Variants in CSMD1 observed in about 807,000 individuals in gnomAD.
The protein encoded by CSMD1 is CUB and Sushi multiple domains 1.
Under a neutral mutation model 417.5 loss-of-function variants are expected in CSMD1, and 213 were observed. The ratio of observed to expected loss-of-function variants is 0.51; its 90% CI spans 0.46 to 0.57. The LOEUF (loss-of-function observed/expected upper bound fraction) is 0.57. Among genes scored for constraint, CSMD1 ranks in the 20% least tolerant of loss-of-function variants. CSMD1 has a pLI of 0.00. For missense variants in CSMD1, 6,923 were observed against 4,529.7 expected (o/e 1.53, Z -15.17); for synonymous variants, 2,862 against 1,736.8 (o/e 1.65, Z -16.11).
intron 1 of CSMD1, among the ~76,000 whole-genome samples, chr8:4,849,065 G>C (rs1051601014): frequency 6.6e-5 from 10 of 152,212 alleles, no homozygotes; most frequent in African/African-American, 2.4e-4. Flanking sequence ...AGACCTTCTA[G>C]TGGGACAAAA....
chr8:4,426,028 C>A (rs1340385612), intron 2 of CSMD1, among the ~76,000 whole-genome samples: 1 of 151,320 alleles, frequency 6.6e-6, no homozygotes, highest in East Asian at 1.9e-4. Context: ...TTTTCCAAAT[C>A]TCCAAGGGAT....
intron 10 of CSMD1, among the ~76,000 whole-genome samples, chr8:3,556,415 T>TATATATATATATACACACACACATACATA (rs1799148435): frequency 8.8e-5 from 5 of 57,100 alleles, no homozygotes; most frequent in African/African-American, 3.1e-4. Context: ...ATATATATAT[T>TATATATATATATACACACACACATACATA]CACACACACA....
At chr8:4,208,564 C>G (rs1446734922) in intron 3 of CSMD1, among the ~76,000 whole-genome samples, 2 of 152,160 alleles carry the variant, frequency 1.3e-5, no homozygotes, top group African/African-American at 4.8e-5. Context: ...ATTGACTTGA[C>G]TCATTCTATT....
chr8:3,714,599 T>C (rs976166196), intron 6 of CSMD1, among the ~76,000 whole-genome samples: 2 of 111,646 alleles, frequency 1.8e-5, no homozygotes, highest in Non-Finnish European at 3.6e-5. Context: ...CAGCCAGGCA[T>C]GGTGGCGGGC....
intron 50 of CSMD1, among the ~76,000 whole-genome samples, chr8:3,031,861 C>T (rs1400478339): frequency 2.9e-5 from 3 of 103,512 alleles, no homozygotes; most frequent in Non-Finnish European, 6.4e-5. Flanking sequence ...TTGCTCACAT[C>T]TCTCTTTTTT....
chr8:3,312,410 C>G (rs1805419708), intron 23 of CSMD1, among the ~76,000 whole-genome samples: 1 of 152,106 alleles, frequency 6.6e-6, no homozygotes, highest in African/African-American at 2.4e-5. Flanking sequence ...AGCTCTATAA[C>G]TTAAAGCCTC....
chr8:4,237,543 T>G (rs201107677), intron 3 of CSMD1, among the ~76,000 whole-genome samples: 48 of 151,968 alleles, frequency 3.2e-4, no homozygotes, highest in African/African-American at 8.7e-4. Flanking sequence ...ACTTTTTTTT[T>G]TTTGTTTTTG....
chr8:3,988,334 A>C (rs142566328), intron 5 of CSMD1, among the ~76,000 whole-genome samples: 398 of 152,336 alleles, frequency 2.6e-3, no homozygotes, highest in Non-Finnish European at 3.3e-3. Flanking sequence ...TCAAATTCTG[A>C]AATAGCATAA....
intron 5 of CSMD1, among the ~76,000 whole-genome samples, chr8:3,903,382 G>C (rs1807894286): frequency 6.6e-6 from 1 of 151,958 alleles, no homozygotes; most frequent in African/African-American, 2.4e-5. Flanking sequence ...ATTGCACTAT[G>C]TCATTATCAT....
At chr8:4,672,699 C>T (rs2617017) in intron 1 of CSMD1, among the ~76,000 whole-genome samples, 112,833 of 152,110 alleles carry the variant, frequency 0.74, 42,852 homozygotes, top group African/African-American at 0.91. Flanking sequence ...AGTAAGACTG[C>T]GCACACACAT....
chr8:3,943,669 T>A (rs1007332912), intron 5 of CSMD1, among the ~76,000 whole-genome samples: 1 of 151,694 alleles, frequency 6.6e-6, no homozygotes, highest in Non-Finnish European at 1.5e-5. Context: ...TCAACAGGGG[T>A]CCCCTGCTAT....
At chr8:3,127,374 T>A (rs1456471750) in intron 41 of CSMD1, 2 of 152,204 alleles carry the variant, frequency 1.3e-5, no homozygotes, top group Non-Finnish European at 2.9e-5. Flanking sequence ...GGAAAAGGAA[T>A]GATGCAGTTT....
rs553614820 is a variant in CSMD1 at position 3,412,188 on chromosome 8, A to G, written c.1562-2583T>C. Among the ~76,000 whole-genome samples the G allele has an allele frequency of 4.4e-4, 63 of 144,690 alleles. 2 individuals are homozygous for G. Among genetic ancestry groups the G allele is most frequent in the Non-Finnish European group, 4.5e-4 (30 of 67,100 alleles). 94.9% of individuals were successfully genotyped at this position (144,690 alleles called of 152,430 possible). A position where few individuals can be genotyped will look rare whatever the true frequency, so the allele number is the denominator to read the frequency against. On this transcript the variant is annotated intron_variant, in intron 12 of 69. Transcript: ENST00000635120. ...TACATATATACATATATATACACAC[A>G]TATACATACATACACACACACACAC...
At chr8:4,190,126 G>T (rs1181489913) in intron 3 of CSMD1, among the ~76,000 whole-genome samples, 1 of 151,790 alleles carries the variant, frequency 6.6e-6, no homozygotes, top group Admixed American at 6.6e-5. Context: ...GGGCGTGGTG[G>T]CAGGTGCCTG....
chr8:3,735,000 G>C (rs899967837), intron 6 of CSMD1, among the ~76,000 whole-genome samples: 3 of 152,242 alleles, frequency 2.0e-5, no homozygotes, highest in East Asian at 1.9e-4. Context: ...GGTGTGCAAA[G>C]AGAGGAGTGA....
chr8:3,460,492 G>A lies in CSMD1; in HGVS notation c.1561+8220C>T, dbSNP rs114885874. Among the ~76,000 whole-genome samples the A allele has an allele frequency of 6.3e-3, 961 of 152,148 alleles. 8 individuals are homozygous for A. The highest frequency in any genetic ancestry group is 0.021 in the African/African-American group (879 of 41,494). On this transcript the variant is annotated intron_variant, in intron 12 of 69. Transcript: ENST00000635120. ...TTTTTTAAAAAAGATAATTCTGACT[G>A]GACCCCTGTGTGTGAGCAAAATAGA...
intron 3 of CSMD1, among the ~76,000 whole-genome samples, chr8:4,375,332 G>C (rs1162124404): frequency 2.0e-5 from 3 of 152,066 alleles, no homozygotes; most frequent in African/African-American, 7.2e-5. Flanking sequence ...TGGTCTGTCA[G>C]GAGGGTGATC....
intron 2 of CSMD1, among the ~76,000 whole-genome samples, chr8:4,448,514 AT>A (rs1292290188): frequency 3.3e-5 from 5 of 152,192 alleles, no homozygotes; most frequent in Non-Finnish European, 7.4e-5. Flanking sequence ...TTAAGTTCAG[AT>A]TAGTACATAA....
chr8:4,057,789 G>C (rs1342860017), intron 3 of CSMD1, among the ~76,000 whole-genome samples: 1 of 152,074 alleles, frequency 6.6e-6, no homozygotes, highest in Non-Finnish European at 1.5e-5. Flanking sequence ...AATAAATAGG[G>C]ACTCCTTTCC....
Sources: gnomAD v4.1 joint callset for allele counts (sites outside exome capture counted in the v4.1 genomes callset) on GRCh38, gnomAD v4.1.1 for gene constraint, MANE v1.5 for transcripts, NCBI Gene and HGNC (gene_info 2026-07-23, HGNC 2026-07-21) for gene names.